The following EDNRB variants were observed in gnomAD, a reference collection of about 807,000 sequenced individuals.
The protein encoded by EDNRB is endothelin receptor type B.
A neutral mutation model predicts 46.4 loss-of-function variants in EDNRB; 18 were observed. The ratio of observed to expected loss-of-function variants is 0.39; its 90% CI spans 0.27 to 0.57. The LOEUF (loss-of-function observed/expected upper bound fraction) is 0.57. Among genes scored for constraint, EDNRB ranks in the 20% least tolerant of loss-of-function variants. EDNRB has a pLI of 0.61. For synonymous variants in EDNRB, 213 were observed against 204.9 expected (o/e 1.04, Z -0.34); for missense variants, 434 against 537.5 (o/e 0.81, Z 1.90).
At chr13:77,934,060 T>G (rs1312439307) in intron 1 of EDNRB, among the ~76,000 whole-genome samples, 1 of 152,148 alleles carries the variant, frequency 6.6e-6, no homozygotes, top group Non-Finnish European at 1.5e-5. Flanking sequence ...GAGTGGCGGT[T>G]TGGGGTTAGC....
At chr13:77,934,680 G>C (rs921269838) in intron 1 of EDNRB, among the ~76,000 whole-genome samples, 3 of 23,016 alleles carry the variant, frequency 1.3e-4, no homozygotes, top group Non-Finnish European at 1.9e-4. Context: ...GTGTAGGAAA[G>C]GGGGGGGGGG....
chr13:77,924,372 G>A (rs745581681), upstream of EDNRB, among the ~76,000 whole-genome samples: 5 of 152,122 alleles, frequency 3.3e-5, no homozygotes, highest in Non-Finnish European at 7.3e-5. Context: ...CATGGGAAAT[G>A]CACAGGCGAC....
chr13:77,926,697 C>T (rs1880248562), intron 1 of EDNRB, among the ~76,000 whole-genome samples: 1 of 152,218 alleles, frequency 6.6e-6, no homozygotes, highest in South Asian at 2.1e-4. Flanking sequence ...TTATCCAGTT[C>T]CAAAGTTACT....
chr13:77,960,031 G>A (rs1881358862), intron 1 of EDNRB, among the ~76,000 whole-genome samples: 1 of 152,188 alleles, frequency 6.6e-6, no homozygotes, highest in Non-Finnish European at 1.5e-5. Flanking sequence ...AGAAATATGG[G>A]ACTGTGTGAA....
intron 1 of EDNRB, among the ~76,000 whole-genome samples, chr13:77,933,856 G>T (rs1305724632): frequency 6.6e-6 from 1 of 152,110 alleles, no homozygotes; most frequent in African/African-American, 2.4e-5. Flanking sequence ...AGAAACATTT[G>T]TCATTTAGAA....
At position 77,896,152 on chromosome 13, in the gene EDNRB, TG is replaced by T. The variant is rs1396311128; in HGVS notation, c.*2047del. ...TTATAAATAATGCAAGTATGCTTTT[TG>T]TGTGTAGTTTCAAAATTTGGCAAGA... On this transcript the variant is annotated 3_prime_UTR_variant, in exon 7 of 7. Transcript: ENST00000646607. 1 of 167,332 alleles carries T rather than the reference TG, an allele frequency of 6.0e-6. No individual in the cohort carries two copies. Among genetic ancestry groups the T allele is most frequent in the Non-Finnish European group, 1.3e-5 (1 of 78,926 alleles). 10.4% of individuals were successfully genotyped at this position (167,332 alleles called of 1,614,324 possible).
intron 1 of EDNRB, among the ~76,000 whole-genome samples, chr13:77,945,876 C>CAAAAAA (rs67463440): frequency 8.7e-6 from 1 of 115,588 alleles, no homozygotes; most frequent in African/African-American, 3.2e-5. Flanking sequence ...TGCAAAAAAC[C>CAAAAAA]AAAAAAAAAA....
In EDNRB at chr13:77,918,487, T is replaced by C; in HGVS notation, c.87A>G (p.Arg29=). The change falls in exon 1 of 7, where the codon AGA becomes AGG. Residue 29 remains arginine (R), a synonymous_variant. Transcript: ENST00000646607. The surrounding 1 kb of genome is among the most constrained non-coding windows in gnomAD (Gnocchi z 4.5). ...GAGTGGCCCTGTCAGGCGGGAAGCC[T>C]CTCTCCTCTCCCCAGATCCGCGACA... is the stretch of plus-strand genomic sequence containing the variant. ...CGLSRIWGEE[R]GFPPDRATPL... 2 of 1,564,408 alleles carry C rather than the reference T, an allele frequency of 1.3e-6. No homozygotes were observed. Among genetic ancestry groups the C allele is most frequent in the Non-Finnish European group, 1.7e-6 (2 of 1,160,498 alleles).
At chr13:77,965,259 A>G (rs913330197) in intron 1 of EDNRB, among the ~76,000 whole-genome samples, 2 of 152,188 alleles carry the variant, frequency 1.3e-5, no homozygotes, top group African/African-American at 4.8e-5. Context: ...TGTGCAACAT[A>G]TCAAGAGTCA....
At chr13:77,942,833 T>C (rs2137666390) in intron 1 of EDNRB, among the ~76,000 whole-genome samples, 1 of 152,274 alleles carries the variant, frequency 6.6e-6, no homozygotes, top group East Asian at 1.9e-4. Context: ...TTATTATTTG[T>C]TTTCTAAATT....
At chr13:77,933,238 T>C (rs980594390) in intron 1 of EDNRB, among the ~76,000 whole-genome samples, 1 of 152,222 alleles carries the variant, frequency 6.6e-6, no homozygotes, top group Non-Finnish European at 1.5e-5. Context: ...CGCGTCCGTG[T>C]GAAGAGACCA....
rs1220254195 is a variant in EDNRB at position 77,895,777 on chromosome 13, G to T, written c.*2423C>A. 6.6e-6 allele frequency: 1 copy of T among 151,932 alleles called. No individual in the cohort carries two copies. Among genetic ancestry groups the T allele is most frequent in the African/African-American group, 2.4e-5 (1 of 41,392 alleles). 9.4% of individuals were successfully genotyped at this position (151,932 alleles called of 1,614,324 possible). A position where few individuals can be genotyped will look rare whatever the true frequency, so the allele number is the denominator to read the frequency against. On this transcript the variant is annotated 3_prime_UTR_variant, in exon 7 of 7. Transcript: ENST00000646607. ...GTTATATTACACTTTTATAAAGTTA[G>T]CTACAGCATACCCATGTTTTGCTAT...
intron 1 of EDNRB, among the ~76,000 whole-genome samples, chr13:77,964,851 G>A (rs1196983716): frequency 1.3e-5 from 2 of 152,034 alleles, no homozygotes; most frequent in Non-Finnish European, 2.9e-5. Context: ...TCTGCCTGGG[G>A]ATTTCCTAAA....
chr13:77,968,810 A>G (rs1881648382), intron 1 of EDNRB, among the ~76,000 whole-genome samples: 1 of 152,178 alleles, frequency 6.6e-6, no homozygotes, highest in South Asian at 2.1e-4. Flanking sequence ...TTATTCTGAT[A>G]CACAGGCAAA....
intron 1 of EDNRB, among the ~76,000 whole-genome samples, chr13:77,931,181 GTTAC>G: frequency 6.6e-6 from 1 of 152,182 alleles, no homozygotes; most frequent in Middle Eastern, 3.4e-3. Flanking sequence ...ATCTAAAACA[GTTAC>G]ATGTGTAGTT....
intron 1 of EDNRB, among the ~76,000 whole-genome samples, chr13:77,967,808 G>A (rs924165237): frequency 6.6e-6 from 1 of 152,152 alleles, no homozygotes; most frequent in East Asian, 1.9e-4. Context: ...TAAGAGCTAT[G>A]TAGATGTTCA....
At chr13:77,938,026 C>T (rs904651343) in intron 1 of EDNRB, among the ~76,000 whole-genome samples, 1 of 152,116 alleles carries the variant, frequency 6.6e-6, no homozygotes, top group Admixed American at 6.6e-5. Context: ...TTTGGAACAA[C>T]TGTCAAGTTT....
chr13:77,903,234 A>G lies in EDNRB; in HGVS notation c.723T>C (p.Asp241=), dbSNP rs1188331799. The G allele has an allele frequency of 1.2e-6, 2 of 1,613,110 alleles. No individual in the cohort carries two copies. The highest frequency in any genetic ancestry group is 4.5e-5 in the East Asian group (2 of 44,816). Residue 241 remains aspartate, a synonymous_variant, in exon 3 of 7, where the codon GAT becomes GAC. Transcript: ENST00000646607. Reference sequence around the variant, plus strand: ...TTCCTTTGTAGTCCATCGTAATTATATCAAAACCTATGGCTTCAGGGACAG... The same window carrying G: ...TTCCTTTGTAGTCCATCGTAATTATGTCAAAACCTATGGCTTCAGGGACAG... ...VLAVPEAIGF[D]IITMDYKGSY...
intron 1 of EDNRB, among the ~76,000 whole-genome samples, chr13:77,972,235 C>G (rs752158323): frequency 6.6e-6 from 1 of 152,154 alleles, no homozygotes; most frequent in Non-Finnish European, 1.5e-5. Context: ...GGAGGACCAC[C>G]TTAATAGAAA....
Sources: allele counts gnomAD v4.1 joint callset (sites outside exome capture counted in the v4.1 genomes callset), GRCh38; gene constraint gnomAD v4.1.1; non-coding constraint Gnocchi (gnomAD v3.1); transcripts MANE v1.5; gene names NCBI Gene and HGNC (gene_info 2026-07-23, HGNC 2026-07-21).